The following CCND3 variants were observed in gnomAD, a reference collection of about 807,000 sequenced individuals.
CCND3 encodes the protein G1/S-specific cyclin-D3.
A neutral mutation model predicts 28.7 loss-of-function variants in CCND3; 9 were observed. That is an observed-to-expected ratio of 0.31 (90% CI 0.19 to 0.55). The LOEUF is 0.55. CCND3 is among the 20% of genes least tolerant of loss of function. The pLI, the probability that CCND3 is intolerant of heterozygous loss-of-function variation, is 0.93. For missense variants in CCND3, 315 were observed against 385.8 expected (o/e 0.82, Z 1.54); for synonymous variants, 164 against 163.9 (o/e 1.00, Z 0.00).
chr6:42,006,213 A>G (rs913904638), intron 1 of CCND3, among the ~76,000 whole-genome samples: 7 of 151,864 alleles, frequency 4.6e-5, no homozygotes, highest in African/African-American at 1.7e-4. Context: ...ACACTCATAG[A>G]TGAAAAACAA....
chr6:41,939,532 A>C lies in CCND3; in HGVS notation c.414+838T>G, dbSNP rs979131848. Among the ~76,000 whole-genome samples, 4 of 152,178 alleles carry C rather than the reference A, an allele frequency of 2.6e-5. No individual in the cohort carries two copies. Among genetic ancestry groups the C allele is most frequent in the Admixed American group, 2.6e-4 (4 of 15,280 alleles). On this transcript the variant is annotated intron_variant, in intron 2 of 4. Coordinates refer to ENST00000372991, the MANE Select transcript of CCND3 (RefSeq NM_001760.5). The surrounding 1 kb of genome is among the most constrained non-coding windows in gnomAD (Gnocchi z 4.2). Reference sequence around the variant, plus strand: ...TCCTGCCCGGCCTGAGCCCAGCCCAAGTTTCCAGCAAGAGGCCCAGGGAGC... The same window carrying C: ...TCCTGCCCGGCCTGAGCCCAGCCCACGTTTCCAGCAAGAGGCCCAGGGAGC...
At chr6:41,940,882 G>A (rs2127394390) in intron 1 of CCND3, 2 of 1,416,490 alleles carry the variant, frequency 1.4e-6, no homozygotes, top group Non-Finnish European at 2.0e-6. Flanking sequence ...GGGGAAGTGG[G>A]ACGCAAGGGT....
At chr6:41,972,606 A>T (rs934250322) in intron 1 of CCND3, among the ~76,000 whole-genome samples, 2 of 152,080 alleles carry the variant, frequency 1.3e-5, no homozygotes, top group Admixed American at 1.3e-4. Context: ...AGCTGTTGTG[A>T]CAGAGATGGC....
intron 1 of CCND3, among the ~76,000 whole-genome samples, chr6:41,960,809 G>C (rs1761698412): frequency 6.6e-6 from 1 of 152,124 alleles, no homozygotes; most frequent in Non-Finnish European, 1.5e-5. Flanking sequence ...TCCTTAAAAG[G>C]CTGGCCTCAA....
At chr6:42,001,533 T>C (rs899328201) in intron 1 of CCND3, among the ~76,000 whole-genome samples, 1 of 152,190 alleles carries the variant, frequency 6.6e-6, no homozygotes, top group African/African-American at 2.4e-5. Flanking sequence ...TCTATACATG[T>C]ATAGTCTTAA....
chr6:42,001,157 C>T (rs981707323), intron 1 of CCND3, among the ~76,000 whole-genome samples: 2 of 133,914 alleles, frequency 1.5e-5, no homozygotes, highest in African/African-American at 5.7e-5. Context: ...ATTGCTTGAA[C>T]CTAGGAGGTG....
At chr6:42,020,105 C>T (rs757899257) in intron 1 of CCND3, among the ~76,000 whole-genome samples, 4 of 152,002 alleles carry the variant, frequency 2.6e-5, no homozygotes, top group Non-Finnish European at 5.9e-5. Flanking sequence ...GGTGAAATCC[C>T]GTCTCTACTA....
intron 1 of CCND3, among the ~76,000 whole-genome samples, chr6:41,954,114 G>A (rs1776379370): frequency 6.6e-6 from 1 of 150,620 alleles, no homozygotes; most frequent in Non-Finnish European, 1.5e-5. Context: ...AGCCCAGTGT[G>A]GTGGTGTGCA....
chr6:42,023,998 C>A (rs530241795), intron 1 of CCND3, among the ~76,000 whole-genome samples: 1 of 152,106 alleles, frequency 6.6e-6, no homozygotes, highest in East Asian at 1.9e-4. Context: ...GAGTGCTGTA[C>A]GTGCATAAAG....
At chr6:41,940,278 G>A in intron 2 of CCND3, 92 bp downstream of exon 2, 1 of 1,152,546 alleles carries the variant, frequency 8.7e-7, no homozygotes, top group Non-Finnish European at 1.3e-6. Flanking sequence ...TTCCTCTCCA[G>A]GGGGCAGAAA....
At chr6:42,026,141 TC>T (rs1763869776) in intron 1 of CCND3, among the ~76,000 whole-genome samples, 2 of 152,100 alleles carry the variant, frequency 1.3e-5, no homozygotes, top group Admixed American at 1.3e-4. Flanking sequence ...AACCTCTTTT[TC>T]CCCTATTTTT....
At chr6:41,972,864 CATAT>C (rs10560058) in intron 1 of CCND3, among the ~76,000 whole-genome samples, 5 of 147,400 alleles carry the variant, frequency 3.4e-5, no homozygotes, top group African/African-American at 1.2e-4. Flanking sequence ...AAAAAATTTA[CATAT>C]ATATATATAT....
chr6:41,984,843 T>G (rs1186245384), intron 1 of CCND3, among the ~76,000 whole-genome samples: 1 of 152,222 alleles, frequency 6.6e-6, no homozygotes, highest in African/African-American at 2.4e-5. Flanking sequence ...GATGTTAATT[T>G]GCATTTCTCT....
chr6:42,048,438 C>T lies in CCND3; in HGVS notation c.-46+63G>A. On this transcript the variant is annotated intron_variant, in intron 1 of 4. Transcript: ENST00000372988. This position sits in a 1 kb window ranked among gnomAD's most constrained non-coding sequence, Gnocchi z 4.7. ...TGACCCACCCAGCACCGATCCCCAACGCATGGTCTCCAGCCTGAGCTGACA... is the reference window on the plus strand; with the variant it reads ...TGACCCACCCAGCACCGATCCCCAATGCATGGTCTCCAGCCTGAGCTGACA... 2.3e-6 allele frequency: 1 copy of T among 428,002 alleles called. No individual in the cohort carries two copies. Among genetic ancestry groups the T allele is most frequent in the South Asian group, 1.7e-5 (1 of 60,078 alleles). 26.5% of individuals were successfully genotyped at this position (428,002 alleles called of 1,614,324 possible). A position where few individuals can be genotyped will look rare whatever the true frequency, so the allele number is the denominator to read the frequency against.
intron 1 of CCND3, among the ~76,000 whole-genome samples, chr6:41,988,133 T>C (rs1430696925): frequency 6.6e-6 from 1 of 151,776 alleles, no homozygotes. Context: ...CTGACCAACA[T>C]GGAGAAACCC....
chr6:41,979,606 A>C (rs955625847), intron 1 of CCND3, among the ~76,000 whole-genome samples: 11 of 139,996 alleles, frequency 7.9e-5, no homozygotes, highest in Non-Finnish European at 1.5e-4. Context: ...TCAGACAAGG[A>C]AAAAATCTCT....
chr6:42,021,584 G>T (rs1056015714), intron 1 of CCND3, among the ~76,000 whole-genome samples: 2 of 152,184 alleles, frequency 1.3e-5, no homozygotes, highest in African/African-American at 4.8e-5. Flanking sequence ...TACACACTAG[G>T]AAACACCACC....
intron 1 of CCND3, among the ~76,000 whole-genome samples, chr6:41,962,111 T>C (rs1761734660): frequency 6.6e-6 from 1 of 151,588 alleles, no homozygotes; most frequent in Non-Finnish European, 1.5e-5. Flanking sequence ...CTTTCTTTTT[T>C]TCTTTTGAGT....
At chr6:42,028,969 C>CA (rs142019074) in intron 1 of CCND3, among the ~76,000 whole-genome samples, 3,447 of 126,828 alleles carry the variant, frequency 0.027, 133 homozygotes, top group African/African-American at 0.097. Flanking sequence ...CACCTTGAAA[C>CA]GGTTTTTTTT....
Sources: allele counts gnomAD v4.1 joint callset (sites outside exome capture counted in the v4.1 genomes callset), GRCh38; gene constraint gnomAD v4.1.1; non-coding constraint Gnocchi (gnomAD v3.1); transcripts MANE v1.5; gene names NCBI Gene and HGNC (gene_info 2026-07-23, HGNC 2026-07-21).